KCNQ3: variants seen among roughly 807,000 people sequenced by gnomAD.
KCNQ3 encodes potassium voltage-gated channel subfamily KQT member 3.
Under a neutral mutation model 92.5 loss-of-function variants are expected in KCNQ3, and 30 were observed. The observed-to-expected ratio is 0.32, with a 90% CI of 0.24 to 0.44. KCNQ3 has a LOEUF of 0.44. KCNQ3 is among the 20% of genes least tolerant of loss of function. KCNQ3 has a pLI of 1.00. For missense variants in KCNQ3, 913 were observed against 1,140.3 expected (o/e 0.80, Z 2.87); for synonymous variants, 450 against 468.8 (o/e 0.96, Z 0.52).
intron 1 of KCNQ3, among the ~76,000 whole-genome samples, chr8:132,214,907 C>A (rs34543882): frequency 0.28 from 41,845 of 152,152 alleles, 6,947 homozygotes; most frequent in Middle Eastern, 0.39. Context: ...GAGTTTTAGA[C>A]CTTCCTCAAT....
chr8:132,337,635 T>C (rs1023130153), intron 1 of KCNQ3, among the ~76,000 whole-genome samples: 5 of 152,046 alleles, frequency 3.3e-5, no homozygotes, highest in African/African-American at 1.2e-4. Context: ...CATACAGACA[T>C]GGCATTCACA....
At chr8:132,137,086 G>A (rs774572670) in intron 12 of KCNQ3, among the ~76,000 whole-genome samples, 6 of 151,378 alleles carry the variant, frequency 4.0e-5, no homozygotes, top group Non-Finnish European at 7.4e-5. Context: ...GGTCAGGCTG[G>A]TCTGGAACTC....
At chr8:132,367,674 A>G (rs180795800) in intron 1 of KCNQ3, among the ~76,000 whole-genome samples, 1 of 152,356 alleles carries the variant, frequency 6.6e-6, no homozygotes, top group East Asian at 1.9e-4. Context: ...GGGATAAGCT[A>G]GAGGCAGCAG....
At chr8:132,279,445 T>G (rs1245455485) in intron 1 of KCNQ3, among the ~76,000 whole-genome samples, 1 of 152,078 alleles carries the variant, frequency 6.6e-6, no homozygotes, top group African/African-American at 2.4e-5. Context: ...TAGTTTAGGG[T>G]CAGTTAGATC....
intron 1 of KCNQ3, among the ~76,000 whole-genome samples, chr8:132,333,765 G>A (rs1455425019): frequency 6.8e-6 from 1 of 147,790 alleles, no homozygotes; most frequent in African/African-American, 2.5e-5. Flanking sequence ...ACTGAGTCTT[G>A]CTCTGTCACC....
At chr8:132,134,222 G>A in intron 13 of KCNQ3, 68 bp downstream of exon 13, 2 of 1,149,516 alleles carry the variant, frequency 1.7e-6, no homozygotes, top group Non-Finnish European at 2.6e-6. Flanking sequence ...CCCAGCAGAG[G>A]TTTGGGGGTG....
intron 1 of KCNQ3, among the ~76,000 whole-genome samples, chr8:132,376,501 A>G (rs974132469): frequency 3.9e-5 from 6 of 152,214 alleles, no homozygotes; most frequent in Admixed American, 6.5e-5. Context: ...AAAGGAATGG[A>G]AGAATTTCAG....
At chr8:132,312,354 A>C (rs1370933022) in intron 1 of KCNQ3, among the ~76,000 whole-genome samples, 1 of 152,206 alleles carries the variant, frequency 6.6e-6, no homozygotes, top group African/African-American at 2.4e-5. Flanking sequence ...TACTGTTTTC[A>C]GTCATTTCCA....
intron 12 of KCNQ3, among the ~76,000 whole-genome samples, chr8:132,136,899 T>C (rs960205095): frequency 7.0e-6 from 1 of 142,350 alleles, no homozygotes; most frequent in Non-Finnish European, 1.5e-5. Flanking sequence ...AGTCTCACTC[T>C]GTCACCCAGG....
At chr8:132,257,030 T>G (rs1191643323) in intron 1 of KCNQ3, among the ~76,000 whole-genome samples, 1 of 152,086 alleles carries the variant, frequency 6.6e-6, no homozygotes, top group African/African-American at 2.4e-5. Flanking sequence ...AGACAACCCA[T>G]GAAGAAATAA....
At chr8:132,464,501 A>T (rs1480742454) in intron 1 of KCNQ3, among the ~76,000 whole-genome samples, 2 of 152,246 alleles carry the variant, frequency 1.3e-5, no homozygotes, top group African/African-American at 2.4e-5. Context: ...GCAAGTCCTC[A>T]TTCGCTTTAC....
intron 1 of KCNQ3, among the ~76,000 whole-genome samples, chr8:132,311,970 A>C (rs1817606890): frequency 8.6e-6 from 1 of 116,296 alleles, no homozygotes; most frequent in Admixed American, 8.7e-5. Context: ...ACAGAAGAGG[A>C]GAGGAGACAC....
intron 1 of KCNQ3, among the ~76,000 whole-genome samples, chr8:132,342,094 G>A (rs992555190): frequency 1.1e-4 from 16 of 152,040 alleles, no homozygotes; most frequent in Non-Finnish European, 1.5e-5. Context: ...CCCAATTCAT[G>A]TCCACTGTTG....
intron 1 of KCNQ3, among the ~76,000 whole-genome samples, chr8:132,383,084 G>A (rs1202464711): frequency 1.3e-5 from 2 of 152,060 alleles, no homozygotes; most frequent in Non-Finnish European, 2.9e-5. Context: ...CCAACCCCTT[G>A]TCTTCCAAGG....
chr8:132,255,397 A>T (rs1815552218), intron 1 of KCNQ3, among the ~76,000 whole-genome samples: 1 of 152,346 alleles, frequency 6.6e-6, no homozygotes, highest in East Asian at 1.9e-4. Flanking sequence ...CAGGTGCCTG[A>T]GCTAGCAATA....
At chr8:132,172,569 C>T in intron 7 of KCNQ3, 29 bp downstream of exon 7, 2 of 1,582,532 alleles carry the variant, frequency 1.3e-6, no homozygotes, top group Non-Finnish European at 8.7e-7. Context: ...ATCTTAATCC[C>T]ATTCCAGTTC....
At chr8:132,284,582 A>T (rs1816625537) in intron 1 of KCNQ3, among the ~76,000 whole-genome samples, 1 of 152,220 alleles carries the variant, frequency 6.6e-6, no homozygotes. Flanking sequence ...TTACCAGCCC[A>T]AAACAAGTCT....
At chr8:132,203,830 T>C (rs1827535764) in intron 1 of KCNQ3, among the ~76,000 whole-genome samples, 1 of 152,246 alleles carries the variant, frequency 6.6e-6, no homozygotes, top group East Asian at 1.9e-4. Context: ...TTTCAGGGAT[T>C]ATTATTAATG....
Position 132,132,214 on chromosome 8 carries a change from C to G in KCNQ3, c.1850G>C (p.Ser617Thr), listed in dbSNP as rs758002609. Residue 617 changes from serine (S) to threonine (T), a missense_variant, in exon 14 of 15, where the codon AGC becomes ACC. By Grantham distance (58) the Ser-to-Thr change is moderately conservative. Around this residue, in one of 6 missense-constraint regions of KCNQ3, gnomAD observed 375 missense variants for 376.4 expected, o/e 1.00. Coordinates refer to ENST00000388996, the MANE Select transcript of KCNQ3 (RefSeq NM_004519.4). ...RPSTSEIEDQ[S>T]MMGKFVKVER... ...AACTTTTACAAACTTCCCCATCATGCTTTGGTCTTCGATTTCTGATGTGGA... is the reference window on the plus strand; with the variant it reads ...AACTTTTACAAACTTCCCCATCATGGTTTGGTCTTCGATTTCTGATGTGGA... The G allele has an allele frequency of 1.2e-6, 2 of 1,613,824 alleles. No individual in the cohort carries two copies. Among genetic ancestry groups the G allele is most frequent in the Non-Finnish European group, 1.7e-6 (2 of 1,179,664 alleles).
Sources: gnomAD v4.1 joint callset for allele counts (sites outside exome capture counted in the v4.1 genomes callset) on GRCh38, gnomAD v4.1.1 for gene constraint, gnomAD v4.1.1 regional missense constraint, MANE v1.5 for transcripts, NCBI Gene and HGNC (gene_info 2026-07-23, HGNC 2026-07-21) for gene names.